Variants in AMMECR1 observed in about 807,000 individuals in gnomAD.
AMMECR1 encodes the protein nuclear protein AMMECR1.
Under a neutral mutation model 22.5 loss-of-function variants are expected in AMMECR1, and 3 were observed. The ratio of observed to expected loss-of-function variants is 0.13; its 90% confidence interval spans 0.06 to 0.35. The LOEUF (loss-of-function observed/expected upper bound fraction) is 0.35, where lower values mean the gene tolerates loss of function less well. Ranked by LOEUF, AMMECR1 falls within the 10% of genes least tolerant of loss-of-function variation. AMMECR1 has a pLI of 1.00. For missense variants in AMMECR1, 235 were observed against 278.7 expected, an observed-to-expected ratio of 0.84 and a Z score of 1.12; for synonymous variants, 130 against 116.7, an observed-to-expected ratio of 1.11 and a Z score of -0.74.
At chrX:110,207,626 C>T (rs1243607961) in intron 3 of AMMECR1, among the ~76,000 whole-genome samples, 1 of 111,486 alleles carries the variant, frequency 9.0e-6, no homozygotes, top group East Asian at 2.8e-4. Context: ...TTCAACCTGA[C>T]CACCAATTTG....
intron 2 of AMMECR1, among the ~76,000 whole-genome samples, chrX:110,372,482 T>C (rs1274495750): frequency 8.9e-6 from 1 of 111,784 alleles, no homozygotes; most frequent in Non-Finnish European, 1.9e-5. Context: ...TAGACTCACA[T>C]ATTTCTCTGC....
intron 2 of AMMECR1, among the ~76,000 whole-genome samples, chrX:110,357,807 G>A (rs1297330982): frequency 9.0e-6 from 1 of 111,644 alleles, no homozygotes; most frequent in Non-Finnish European, 1.9e-5. Context: ...CATTGTGTGG[G>A]AAGCAGAGTG....
intron 2 of AMMECR1, among the ~76,000 whole-genome samples, chrX:110,418,405 T>C (rs981805238): frequency 8.9e-6 from 1 of 112,161 alleles, no homozygotes; most frequent in Non-Finnish European, 1.9e-5. Flanking sequence ...ACTCAATTCC[T>C]CAAGTGTGTG....
At chrX:110,341,273 C>T (rs1177459259) in intron 2 of AMMECR1, among the ~76,000 whole-genome samples, 1 of 111,474 alleles carries the variant, frequency 9.0e-6, no homozygotes, top group African/African-American at 3.3e-5. Flanking sequence ...AAAATAATTC[C>T]AGAATACTCA....
At chrX:110,270,397 G>T (rs1482342128) in intron 1 of AMMECR1, among the ~76,000 whole-genome samples, 2 of 111,815 alleles carry the variant, frequency 1.8e-5, no homozygotes, top group South Asian at 7.4e-4. Context: ...CAGGCAGACA[G>T]TGCAGAATCA....
chrX:110,362,497 C>T (rs150341184), intron 2 of AMMECR1, among the ~76,000 whole-genome samples: 6 of 112,381 alleles, frequency 5.3e-5, no homozygotes, highest in Non-Finnish European at 7.5e-5. Context: ...GACAACTCTA[C>T]GCTTTTCAAC....
At chrX:110,290,288 G>A (rs924002297) in intron 1 of AMMECR1, among the ~76,000 whole-genome samples, 16 of 111,230 alleles carry the variant, frequency 1.4e-4, no homozygotes, top group Non-Finnish European at 1.9e-5. Flanking sequence ...TGCCTCCCCC[G>A]TTTTATTCAG....
At chrX:110,258,312 C>T (rs2067720928) in intron 2 of AMMECR1, among the ~76,000 whole-genome samples, 1 of 111,983 alleles carries the variant, frequency 8.9e-6, no homozygotes, top group Admixed American at 9.5e-5. Flanking sequence ...AATTTTGTGG[C>T]TACATCTCTG....
At chrX:110,272,559 C>T (rs760814005) in intron 1 of AMMECR1, among the ~76,000 whole-genome samples, 1 of 112,152 alleles carries the variant, frequency 8.9e-6, no homozygotes, top group South Asian at 3.7e-4. Flanking sequence ...CTTGTTGTTA[C>T]ATGGGTATAC....
At chrX:110,200,477 C>T (rs191838857) in intron 5 of AMMECR1, among the ~76,000 whole-genome samples, 67 of 111,951 alleles carry the variant, frequency 6.0e-4, no homozygotes, top group Middle Eastern at 4.6e-3. Context: ...AATAAGCATC[C>T]CTATTTTTTC....
At chrX:110,424,214 C>T (rs1033323075) in intron 2 of AMMECR1, among the ~76,000 whole-genome samples, 1 of 111,764 alleles carries the variant, frequency 8.9e-6, no homozygotes, top group African/African-American at 3.3e-5. Flanking sequence ...ACTACACTTC[C>T]TCCACATAGC....
chrX:110,357,341 GC>G (rs2068235781), intron 2 of AMMECR1, among the ~76,000 whole-genome samples: 2 of 111,501 alleles, frequency 1.8e-5, no homozygotes, highest in African/African-American at 6.5e-5. Flanking sequence ...TATAAATTGT[GC>G]CTTTTTACAC....
chrX:110,238,518 G>T (rs964675129), intron 2 of AMMECR1, among the ~76,000 whole-genome samples: 2 of 112,252 alleles, frequency 1.8e-5, no homozygotes, highest in Admixed American at 9.4e-5. Flanking sequence ...TCTGGGCAGG[G>T]CATCTCTGAA....
chrX:110,407,087 C>T (rs910899307), intron 2 of AMMECR1, among the ~76,000 whole-genome samples: 7 of 111,629 alleles, frequency 6.3e-5, no homozygotes, highest in South Asian at 3.7e-4. Context: ...TTAACAATGC[C>T]GCCAACTTCA....
chrX:110,333,941 G>C (rs746617717), intron 2 of AMMECR1, among the ~76,000 whole-genome samples: 1 of 110,815 alleles, frequency 9.0e-6, no homozygotes, highest in East Asian at 2.8e-4. Flanking sequence ...AAACCTGCAC[G>C]TTCTGCACAT....
At chrX:110,306,562 G>A (rs981535137) in intron 1 of AMMECR1, among the ~76,000 whole-genome samples, 5 of 110,193 alleles carry the variant, frequency 4.5e-5, no homozygotes, top group Non-Finnish European at 7.6e-5. Flanking sequence ...GGGTTCAAGC[G>A]ATTCTCCTAC....
At chrX:110,435,306 T>C (rs2148335384) in intron 1 of AMMECR1, among the ~76,000 whole-genome samples, 1 of 111,515 alleles carries the variant, frequency 9.0e-6, no homozygotes, top group Non-Finnish European at 1.9e-5. Flanking sequence ...ACCTAATAAA[T>C]TAACAGCTGT....
At chrX:110,405,094 C>CA (rs1292670243) in intron 2 of AMMECR1, among the ~76,000 whole-genome samples, 1 of 100,234 alleles carries the variant, frequency 1.0e-5, no homozygotes, top group Non-Finnish European at 2.1e-5. Flanking sequence ...TGTGTCCCCC[C>CA]CCCCCCCAAG....
chrX:110,333,200 G>A, intron 2 of AMMECR1, among the ~76,000 whole-genome samples: 1 of 111,937 alleles, frequency 8.9e-6, no homozygotes, highest in East Asian at 2.8e-4. Context: ...AAACCATGAG[G>A]GAGATTGAAT....
Sources: allele counts gnomAD v4.1 joint callset (sites outside exome capture counted in the v4.1 genomes callset), GRCh38; gene constraint gnomAD v4.1.1; transcripts MANE v1.5; gene names NCBI Gene and HGNC (gene_info 2026-07-23, HGNC 2026-07-21).